COL8A1: variants seen among roughly 807,000 people sequenced by gnomAD.
COL8A1 encodes the protein collagen type VIII alpha 1 chain, also known as collagen alpha-1(VIII) chain.
A neutral mutation model predicts 42.7 loss-of-function variants in COL8A1; 21 were observed. The ratio of observed to expected loss-of-function variants is 0.49; its 90% CI spans 0.35 to 0.71. The LOEUF is 0.71. Ranked by LOEUF, COL8A1 falls within the 30% of genes least tolerant of loss-of-function variation. The pLI is 0.01. For synonymous variants in COL8A1, 367 were observed against 369.1 expected (o/e 0.99, Z 0.06); for missense variants, 788 against 962.4 (o/e 0.82, Z 2.40).
At chr3:99,765,818 C>T (rs774959539) in intron 2 of COL8A1, among the ~76,000 whole-genome samples, 8 of 152,164 alleles carry the variant, frequency 5.3e-5, no homozygotes, top group Non-Finnish European at 1.0e-4. Flanking sequence ...TCTTCTCTAA[C>T]ACAACAGATT....
chr3:99,754,917 C>T (rs1022719352), intron 2 of COL8A1, among the ~76,000 whole-genome samples: 91 of 152,156 alleles, frequency 6.0e-4, no homozygotes, highest in African/African-American at 2.1e-3. Context: ...CATGCTAAGA[C>T]TTGCTGGCAT....
chr3:99,647,045 T>C (rs908817255), intron 1 of COL8A1, among the ~76,000 whole-genome samples: 2 of 152,242 alleles, frequency 1.3e-5, no homozygotes, highest in African/African-American at 4.8e-5. Context: ...AAAAGTTCTG[T>C]GGTCAAATAA....
intron 1 of COL8A1, among the ~76,000 whole-genome samples, chr3:99,720,499 A>C (rs1940119594): frequency 6.6e-6 from 1 of 152,122 alleles, no homozygotes; most frequent in Admixed American, 6.6e-5. Flanking sequence ...GAATTCTGCC[A>C]ATCTGAATTT....
chr3:99,683,747 AC>A (rs561504341), intron 1 of COL8A1, among the ~76,000 whole-genome samples: 72 of 152,206 alleles, frequency 4.7e-4, no homozygotes, highest in African/African-American at 1.7e-3. Context: ...CTTTCCAGTT[AC>A]CCTGACTGTG....
At chr3:99,721,522 G>A (rs1940155953) in intron 1 of COL8A1, among the ~76,000 whole-genome samples, 2 of 151,904 alleles carry the variant, frequency 1.3e-5, no homozygotes, top group East Asian at 1.9e-4. Flanking sequence ...GAGGAGACAG[G>A]GACCCTGGGG....
At position 99,669,825 on chromosome 3, in the gene COL8A1, C is replaced by T. The variant is rs114194650; in HGVS notation, c.-129+31161C>T. Among the ~76,000 whole-genome samples, 836 of 152,088 alleles carry T rather than the reference C, an allele frequency of 5.5e-3. 3 individuals are homozygous for T. Among genetic ancestry groups the T allele is most frequent in the African/African-American group, 0.019 (808 of 41,518 alleles). ...AAAGTTTATATTTCATTTCTAATAT[C>T]TAATTGCCATGGTGTGATCCCTGCT... On this transcript the variant is annotated intron_variant, in intron 1 of 3. Transcript: ENST00000652472.
At chr3:99,673,545 A>G (rs1938606407) in intron 1 of COL8A1, among the ~76,000 whole-genome samples, 1 of 152,126 alleles carries the variant, frequency 6.6e-6, no homozygotes, top group Non-Finnish European at 1.5e-5. Flanking sequence ...ACTGCATTAA[A>G]CAGTATTAGT....
chr3:99,706,720 A>G (rs1939688944), intron 1 of COL8A1, among the ~76,000 whole-genome samples: 1 of 152,234 alleles, frequency 6.6e-6, no homozygotes, highest in African/African-American at 2.4e-5. Flanking sequence ...TTTTCATATC[A>G]TTTCTAAATA....
intron 1 of COL8A1, among the ~76,000 whole-genome samples, chr3:99,688,640 A>G (rs571651877): frequency 1.3e-5 from 2 of 152,264 alleles, no homozygotes; most frequent in South Asian, 4.2e-4. Context: ...ACATTTTGGG[A>G]GGTTCATTAT....
chr3:99,653,475 C>T (rs1937916196), intron 1 of COL8A1, among the ~76,000 whole-genome samples: 2 of 151,882 alleles, frequency 1.3e-5, no homozygotes, highest in African/African-American at 4.8e-5. Context: ...ACCAGTTCCC[C>T]TAAAAGGAAA....
chr3:99,732,141 T>TAATA (rs1940528672), intron 1 of COL8A1, among the ~76,000 whole-genome samples: 1 of 152,138 alleles, frequency 6.6e-6, no homozygotes, highest in Non-Finnish European at 1.5e-5. Flanking sequence ...AGGCAAAAAC[T>TAATA]AATAAATAAA....
At chr3:99,750,436 A>G (rs992046419) in intron 2 of COL8A1, among the ~76,000 whole-genome samples, 2 of 152,166 alleles carry the variant, frequency 1.3e-5, no homozygotes, top group Admixed American at 6.6e-5. Context: ...GCAGAATTTT[A>G]GACAGTTTTG....
Position 99,798,797 on chromosome 3 carries a change from T to C in COL8A1, c.*2661T>C, listed in dbSNP as rs2107462969. On this transcript the variant is annotated 3_prime_UTR_variant, in exon 4 of 4. Transcript: ENST00000652472. ...CAGACCTAAATGATACTCCATTTAATTTAAAAAAGAGTTTTAAATAATTAT... is the reference window on the plus strand; with the variant it reads ...CAGACCTAAATGATACTCCATTTAACTTAAAAAAGAGTTTTAAATAATTAT... 1 of 152,368 alleles carries C rather than the reference T, an allele frequency of 6.6e-6. No homozygotes were observed. The highest frequency in any genetic ancestry group is 1.9e-4 in the East Asian group (1 of 5,188). The allele number at this position is 152,368 out of a possible 1,614,324, so 9.4% of individuals were successfully genotyped here.
intron 1 of COL8A1, among the ~76,000 whole-genome samples, chr3:99,674,561 A>G (rs1264531234): frequency 6.6e-6 from 1 of 152,008 alleles, no homozygotes; most frequent in East Asian, 1.9e-4. Flanking sequence ...TATTCTGGCT[A>G]TGCAGCTCAG....
rs1211094863 is a variant in COL8A1 at position 99,733,557 on chromosome 3, G to A, written c.-128-11340G>A. 5.3e-5 allele frequency among the ~76,000 whole-genome samples: 8 copies of A among 152,040 alleles called. No individual in the cohort carries two copies. The South Asian group carries it at 6.2e-4, about 12-fold the overall frequency. ...TTAATCCAGTCTATCATTGTTGGAC[G>A]TTTGGGTTGGGTCCAAGTCTTTGCT... On this transcript the variant is annotated intron_variant, in intron 1 of 3. Transcript: ENST00000652472.
intron 1 of COL8A1, among the ~76,000 whole-genome samples, chr3:99,739,197 C>G (rs986279433): frequency 6.6e-6 from 1 of 152,222 alleles, no homozygotes; most frequent in Non-Finnish European, 1.5e-5. Context: ...GCATTGCTCA[C>G]GCTGGGAGCT....
At chr3:99,658,116 AAAAAACAAAAAAC>A (rs1938083996) in intron 1 of COL8A1, among the ~76,000 whole-genome samples, 3 of 145,938 alleles carry the variant, frequency 2.1e-5, no homozygotes, top group African/African-American at 5.1e-5. Context: ...CTCCATCTCA[AAAAAACAAAAAAC>A]AAAAAAAAAA....
At chr3:99,670,464 T>C (rs554960184) in intron 1 of COL8A1, among the ~76,000 whole-genome samples, 1 of 152,162 alleles carries the variant, frequency 6.6e-6, no homozygotes, top group Admixed American at 6.6e-5. Context: ...AAAGATACCC[T>C]TTTTCTTATT....
At chr3:99,694,370 G>A (rs993989052) in intron 1 of COL8A1, among the ~76,000 whole-genome samples, 1 of 151,990 alleles carries the variant, frequency 6.6e-6, no homozygotes, top group South Asian at 2.1e-4. Flanking sequence ...CAGTTACTCA[G>A]GAGGCTGAAG....
Sources: gnomAD v4.1 joint callset for allele counts (sites outside exome capture counted in the v4.1 genomes callset) on GRCh38, gnomAD v4.1.1 for gene constraint, MANE v1.5 for transcripts, NCBI Gene and HGNC (gene_info 2026-07-23, HGNC 2026-07-21) for gene names.